The following SPRTN variants were observed in gnomAD, a reference collection of about 807,000 sequenced individuals.
The protein encoded by SPRTN is SprT-like N-terminal domain.
In SPRTN, 11 loss-of-function variants were observed where a neutral mutation model predicts 31.9. The ratio of observed to expected loss-of-function variants is 0.34; its 90% CI spans 0.22 to 0.57. SPRTN has a LOEUF of 0.57. Among genes scored for constraint, SPRTN ranks in the 20% least tolerant of loss-of-function variants. SPRTN has a pLI of 0.86. For missense variants in SPRTN, 482 were observed against 590.1 expected (o/e 0.82, Z 1.90); for synonymous variants, 185 against 212.1 (o/e 0.87, Z 1.11).
At chr1:231,348,074 G>C (rs1479631068) in intron 3 of SPRTN, 149 bp downstream of exon 3, 20 of 1,071,944 alleles carry the variant, frequency 1.9e-5, no homozygotes, top group South Asian at 1.8e-4. Context: ...AAATTGGCTT[G>C]TCTGGGACTA....
chr1:231,342,880 A>G lies in SPRTN; in HGVS notation c.321+3012A>G, dbSNP rs1571992332. Among the ~76,000 whole-genome samples the G allele has an allele frequency of 2.6e-5, 4 of 151,490 alleles. No individual in the cohort carries two copies. The South Asian group carries it at 8.4e-4, about 32-fold the overall frequency. ...CTCCCACATAGCTGGGACTACAGGCACCCGCCACCATGCCAGGCCAATTTT... is the reference window on the plus strand; with the variant it reads ...CTCCCACATAGCTGGGACTACAGGCGCCCGCCACCATGCCAGGCCAATTTT... On this transcript the variant is annotated intron_variant, in intron 2 of 4. Coordinates refer to ENST00000295050, the MANE Select transcript of SPRTN (RefSeq NM_032018.7).
At chr1:231,350,301 C>A (rs1275016854) in intron 3 of SPRTN, among the ~76,000 whole-genome samples, 1 of 152,200 alleles carries the variant, frequency 6.6e-6, no homozygotes, top group Non-Finnish European at 1.5e-5. Flanking sequence ...TTTGGTAAAA[C>A]ACCAAAATCT....
chr1:231,352,574 G>C, intron 4 of SPRTN, 36 bp from the exon 5 acceptor site: 5 of 1,530,246 alleles, frequency 3.3e-6, no homozygotes, highest in Non-Finnish European at 4.4e-6. Context: ...TTGAGTTGAG[G>C]CACTTACATA....
At position 231,354,545 on chromosome 1, in the gene SPRTN, C is replaced by T. The variant is rs749615305; in HGVS notation, c.*1184C>T. 2.7e-4 allele frequency: 64 copies of T among 234,562 alleles called. No individual in the cohort carries two copies. The highest frequency in any genetic ancestry group is 4.1e-4 in the Non-Finnish European group (59 of 143,444). 14.5% of individuals were successfully genotyped at this position (234,562 alleles called of 1,614,324 possible). ...AAGGCTTCCTATAGGTGTCTGTTCC[C>T]AGTTGATACCCATGACCCTCACCAC... On this transcript the variant is annotated 3_prime_UTR_variant, in exon 5 of 5. Coordinates refer to ENST00000295050, the MANE Select transcript of SPRTN (RefSeq NM_032018.7).
intron 2 of SPRTN, among the ~76,000 whole-genome samples, chr1:231,343,669 G>C (rs1446238354): frequency 6.6e-6 from 1 of 152,110 alleles, no homozygotes; most frequent in Non-Finnish European, 1.5e-5. Context: ...TTTTAGGGAT[G>C]AGGAGCCACT....
rs755534267 is a variant in SPRTN at position 231,351,560 on chromosome 1, C to T, written c.707C>T (p.Ala236Val). 3.7e-6 allele frequency: 6 copies of T among 1,613,982 alleles called. No individual in the cohort carries two copies. The highest frequency in any genetic ancestry group is 2.2e-5 in the East Asian group (1 of 44,888). ...CTAGGAAAGGAACCAGTATTGGCCG[C>T]AGAGAATAAAGGTACCTTCGTGTAT... ...AKLGKEPVLA[A>V]ENKDKPNRGE... The change falls in exon 4 of 5, where the codon GCA becomes GTA. Residue 236 changes from alanine (A) to valine (V), a missense_variant. Physicochemically the swap from Ala to Val is moderately conservative, Grantham distance 64. Around this residue, in one of 2 missense-constraint regions of SPRTN, gnomAD observed 325 missense variants for 350.2 expected, o/e 0.93. Transcript: ENST00000295050.
chr1:231,353,675 A>G lies in SPRTN; in HGVS notation c.*314A>G. 5 of 1,011,156 alleles carry G rather than the reference A, an allele frequency of 4.9e-6. No individual in the cohort carries two copies. Among genetic ancestry groups the G allele is most frequent in the Non-Finnish European group, 5.9e-6 (5 of 843,060 alleles). The allele number at this position is 1,011,156 out of a possible 1,614,324, so 62.6% of individuals were successfully genotyped here. ...AACCTGTTAATCTTTTTATTTGTAT[A>G]CTTTCCTAAAAATATTCATATGGGG... On this transcript the variant is annotated 3_prime_UTR_variant, in exon 5 of 5. Coordinates refer to ENST00000295050, the MANE Select transcript of SPRTN (RefSeq NM_032018.7).
Position 231,354,328 on chromosome 1 carries a change from G to T in SPRTN, c.*967G>T. On this transcript the variant is annotated 3_prime_UTR_variant, in exon 5 of 5. Coordinates refer to ENST00000295050, the MANE Select transcript of SPRTN (RefSeq NM_032018.7). ...CTTTTATCAGTTTGCTTTTTGTCTT[G>T]TGGCTGTACATGCTGTTGGCATAGC... The T allele has an allele frequency of 1.0e-6, 1 of 985,030 alleles. No individual in the cohort carries two copies. The highest frequency in any genetic ancestry group is 1.2e-6 in the Non-Finnish European group (1 of 829,590). The allele number at this position is 985,030 out of a possible 1,614,324, so 61.0% of individuals were successfully genotyped here.
intron 2 of SPRTN, among the ~76,000 whole-genome samples, chr1:231,343,610 T>A (rs530976116): frequency 6.6e-6 from 1 of 152,252 alleles, no homozygotes; most frequent in South Asian, 2.1e-4. Flanking sequence ...TGTCAGACTT[T>A]GGACTAAACG....
At position 231,348,507 on chromosome 1, in the gene SPRTN, C is replaced by T. The variant is rs561111948; in HGVS notation, c.450+582C>T. Among the ~76,000 whole-genome samples, 7 of 152,142 alleles carry T rather than the reference C, an allele frequency of 4.6e-5. No homozygotes were observed. In the East Asian group the frequency reaches 1.2e-3, roughly 25 times the overall value. ...GATTAAAGGAGAAAGCACATCAAAA[C>T]ATTTTAGCCCAATCTGACACTAATT... On this transcript the variant is annotated intron_variant, in intron 3 of 4. Transcript: ENST00000295050.
chr1:231,353,228 G>A lies in SPRTN; in HGVS notation c.1337G>A (p.Ser446Asn), dbSNP rs1367055925. The A allele has an allele frequency of 6.2e-7, 1 of 1,614,126 alleles. No individual in the cohort carries two copies. The highest frequency in any genetic ancestry group is 2.2e-5 in the East Asian group (1 of 44,878). Reference protein sequence around the residue: ...YSTTTAQNSSSSSSQSKMVNC... With the variant: ...YSTTTAQNSSNSSSQSKMVNC... ...ACAACCACAGCTCAGAATTCCAGCA[G>A]TTCATCCAGTCAGAGCAAAATGGTT... is the stretch of plus-strand genomic sequence containing the variant. The change falls in exon 5 of 5, where the codon AGT becomes AAT. Residue 446 changes from serine to asparagine, a missense_variant. Transcript: ENST00000295050.
At chr1:231,340,086 G>A (rs1686831805) in intron 2 of SPRTN, 2 of 405,366 alleles carry the variant, frequency 4.9e-6, no homozygotes, top group African/African-American at 2.1e-5. Flanking sequence ...CTAGGGGCCG[G>A]GCACGCTGGC....
chr1:231,352,021 G>C, intron 4 of SPRTN: 2 of 995,692 alleles, frequency 2.0e-6, no homozygotes, highest in Non-Finnish European at 2.4e-6. Context: ...TTCTATCCAA[G>C]TGACTCTATT....
intron 1 of SPRTN, chr1:231,339,567 G>T (rs1686798638): frequency 2.7e-6 from 2 of 745,034 alleles, no homozygotes; most frequent in Non-Finnish European, 4.7e-6. Flanking sequence ...TCCTTGCCCG[G>T]CGGGGATCGG....
intron 2 of SPRTN, among the ~76,000 whole-genome samples, chr1:231,343,614 C>T (rs1388771871): frequency 6.6e-6 from 1 of 152,046 alleles, no homozygotes; most frequent in Non-Finnish European, 1.5e-5. Context: ...AGACTTTGGA[C>T]TAAACGTCGT....
intron 2 of SPRTN, among the ~76,000 whole-genome samples, chr1:231,345,743 C>T (rs149615115): frequency 1.4e-3 from 208 of 152,308 alleles, no homozygotes; most frequent in African/African-American, 4.7e-3. Context: ...CTTAGCTTTA[C>T]TAATGGTGTC....
Position 231,338,446 on chromosome 1 carries a change from G to A in SPRTN, c.63G>A (p.Glu21=). The A allele has an allele frequency of 6.2e-7, 1 of 1,614,282 alleles. No homozygotes were observed. The highest frequency in any genetic ancestry group is 8.5e-7 in the Non-Finnish European group (1 of 1,180,044). ...LQEEWNLQEA[E]RDHAQESLSL... ...AGGAGTGGAACTTGCAGGAGGCGGA[G>A]CGCGATCATGCCCAGGAGTCCCTGT... The change falls in exon 1 of 5, where the codon GAG becomes GAA. Residue 21 remains glutamate, a synonymous_variant. Coordinates refer to ENST00000295050, the MANE Select transcript of SPRTN (RefSeq NM_032018.7).
chr1:231,345,760 T>G (rs562485499), intron 2 of SPRTN, among the ~76,000 whole-genome samples: 26 of 152,328 alleles, frequency 1.7e-4, no homozygotes, highest in African/African-American at 5.5e-4. Context: ...TGTCAAACTT[T>G]AGGAGTTTTA....
In SPRTN at chr1:231,352,598, C is replaced by G. The variant is rs746774621; in HGVS notation, c.719-12C>G. The G allele has an allele frequency of 4.3e-5, 67 of 1,546,512 alleles. No individual in the cohort carries two copies. The highest frequency in any genetic ancestry group is 1.4e-5 in the Non-Finnish European group (16 of 1,151,656). Reference sequence around the variant, plus strand: ...GGCACTTACATAACAATCTTCTTTGCTTTTTTGGCAGATAAACCCAACAGA... The same window carrying G: ...GGCACTTACATAACAATCTTCTTTGGTTTTTTGGCAGATAAACCCAACAGA... On this transcript the variant is annotated splice_polypyrimidine_tract_variant and intron_variant, in intron 4 of 4. Coordinates refer to ENST00000295050, the MANE Select transcript of SPRTN (RefSeq NM_032018.7).
Sources: allele counts gnomAD v4.1 joint callset (sites outside exome capture counted in the v4.1 genomes callset), GRCh38; gene constraint gnomAD v4.1.1; regional missense constraint gnomAD v4.1.1; transcripts MANE v1.5; gene names NCBI Gene and HGNC (gene_info 2026-07-23, HGNC 2026-07-21).